ZMAT4: variants seen among roughly 807,000 people sequenced by gnomAD.
ZMAT4 encodes the protein zinc finger matrin-type protein 4.
In ZMAT4, 17 loss-of-function variants were observed where a neutral mutation model predicts 28.7. That is an observed-to-expected ratio of 0.59 (90% confidence interval 0.41 to 0.89). ZMAT4 has a LOEUF of 0.89. ZMAT4 is among the 40% of genes least tolerant of loss of function. The pLI is 0.00. For missense variants in ZMAT4, 240 were observed against 283.8 expected (o/e 0.85, Z 1.11); for synonymous variants, 117 against 109.2 (o/e 1.07, Z -0.44).
chr8:40,803,894 C>G (rs7812990), intron 2 of ZMAT4, among the ~76,000 whole-genome samples: 86,316 of 152,006 alleles, frequency 0.57, 24,745 homozygotes, highest in East Asian at 0.66. Context: ...TTATTCATCA[C>G]TAAAAAGAAA....
chr8:40,727,922 C>T (rs1484741418), intron 3 of ZMAT4, among the ~76,000 whole-genome samples: 1 of 151,982 alleles, frequency 6.6e-6, no homozygotes, highest in Non-Finnish European at 1.5e-5. Context: ...TTTTTATAAG[C>T]TGAATTTTTA....
At position 40,860,478 on chromosome 8, in the gene ZMAT4, T is replaced by C. The variant is rs559225017; in HGVS notation, c.-4-34798A>G. On this transcript the variant is annotated intron_variant, in intron 1 of 6. Transcript: ENST00000297737. ...ATATTCCTTTTCACCATGATATTGT[T>C]ACATTGGACAACAGCAATATTCCTT... 1.2e-3 allele frequency among the ~76,000 whole-genome samples: 184 copies of C among 152,338 alleles called. 1 individual carries two copies. The highest frequency in any genetic ancestry group is 2.1e-3 in the Non-Finnish European group (145 of 68,028).
chr8:40,645,286 T>A (rs897077223), intron 5 of ZMAT4, among the ~76,000 whole-genome samples: 4 of 152,024 alleles, frequency 2.6e-5, no homozygotes, highest in Admixed American at 6.6e-5. Flanking sequence ...AAATAAGACA[T>A]GGATAGGAAT....
intron 2 of ZMAT4, among the ~76,000 whole-genome samples, chr8:40,792,901 GA>G (rs1307595423): frequency 2.6e-5 from 4 of 151,860 alleles, no homozygotes; most frequent in Admixed American, 6.6e-5. Flanking sequence ...CTAAATAATG[GA>G]AAACTATGGA....
chr8:40,680,076 T>TGTAC (rs1809089983), intron 4 of ZMAT4, among the ~76,000 whole-genome samples: 1 of 152,180 alleles, frequency 6.6e-6, no homozygotes, highest in African/African-American at 2.4e-5. Context: ...AAAGTGTACA[T>TGTAC]ACATATCACA....
intron 5 of ZMAT4, among the ~76,000 whole-genome samples, chr8:40,599,945 A>T (rs1228841145): frequency 6.6e-6 from 1 of 152,162 alleles, no homozygotes; most frequent in Non-Finnish European, 1.5e-5. Context: ...TTCATCAAGC[A>T]GAGTGTGGGA....
At chr8:40,596,434 T>C (rs4639498) in intron 5 of ZMAT4, among the ~76,000 whole-genome samples, 24,724 of 152,232 alleles carry the variant, frequency 0.16, 2,928 homozygotes, top group East Asian at 0.57. Flanking sequence ...ACAAAAACAT[T>C]TTATTTCCTT....
chr8:40,602,766 T>C (rs1354146110), intron 5 of ZMAT4, among the ~76,000 whole-genome samples: 2 of 152,164 alleles, frequency 1.3e-5, no homozygotes, highest in Non-Finnish European at 2.9e-5. Context: ...CTTTGTTTTG[T>C]TTTTTGCTGA....
At chr8:40,775,107 A>G (rs948465486) in intron 2 of ZMAT4, among the ~76,000 whole-genome samples, 2 of 152,210 alleles carry the variant, frequency 1.3e-5, no homozygotes, top group African/African-American at 4.8e-5. Flanking sequence ...ACAATGCCTG[A>G]CACATGGCCG....
intron 1 of ZMAT4, among the ~76,000 whole-genome samples, chr8:40,834,649 C>T (rs551619940): frequency 7.9e-5 from 12 of 152,112 alleles, no homozygotes; most frequent in Admixed American, 4.6e-4. Context: ...CACACACCAC[C>T]CTCCATAAAC....
chr8:40,639,137 G>T (rs928742351), intron 5 of ZMAT4, among the ~76,000 whole-genome samples: 3 of 152,236 alleles, frequency 2.0e-5, no homozygotes, highest in South Asian at 2.1e-4. Context: ...GCAGACAGGA[G>T]CCTGGAGAAA....
At chr8:40,550,982 G>C (rs1376379845) in intron 6 of ZMAT4, among the ~76,000 whole-genome samples, 1 of 151,946 alleles carries the variant, frequency 6.6e-6, no homozygotes, top group Non-Finnish European at 1.5e-5. Flanking sequence ...CTAATATTAG[G>C]TTTGTACATT....
chr8:40,637,888 G>A (rs1222130104), intron 5 of ZMAT4, among the ~76,000 whole-genome samples: 1 of 152,152 alleles, frequency 6.6e-6, no homozygotes, highest in Non-Finnish European at 1.5e-5. Context: ...TCAAAAGAAA[G>A]AAAAATGGTC....
intron 1 of ZMAT4, among the ~76,000 whole-genome samples, chr8:40,835,988 T>C (rs1816466820): frequency 6.6e-6 from 1 of 152,180 alleles, no homozygotes; most frequent in African/African-American, 2.4e-5. Context: ...TACAGGAATT[T>C]AAATGTTGCA....
intron 3 of ZMAT4, among the ~76,000 whole-genome samples, chr8:40,721,496 T>G (rs1811090955): frequency 6.9e-6 from 1 of 144,480 alleles, no homozygotes; most frequent in Non-Finnish European, 1.5e-5. Context: ...ATATACCCAG[T>G]AATGGGATGG....
At chr8:40,537,916 A>G (rs1422988189) in intron 6 of ZMAT4, among the ~76,000 whole-genome samples, 1 of 152,176 alleles carries the variant, frequency 6.6e-6, no homozygotes, top group Non-Finnish European at 1.5e-5. Flanking sequence ...CAGCTGAGGC[A>G]GAGCAAGGGG....
intron 5 of ZMAT4, among the ~76,000 whole-genome samples, chr8:40,673,638 C>A (rs893270549): frequency 4.6e-5 from 7 of 152,226 alleles, no homozygotes; most frequent in African/African-American, 1.4e-4. Context: ...TGCAATTTTG[C>A]TGTACTTCTA....
chr8:40,551,452 A>G (rs1217850642), intron 6 of ZMAT4, among the ~76,000 whole-genome samples: 1 of 152,206 alleles, frequency 6.6e-6, no homozygotes, highest in African/African-American at 2.4e-5. Flanking sequence ...AACATTTTGC[A>G]ATTGTGTTAT....
chr8:40,764,455 C>T (rs764926872), intron 3 of ZMAT4, among the ~76,000 whole-genome samples: 5 of 152,106 alleles, frequency 3.3e-5, no homozygotes, highest in East Asian at 3.9e-4. Context: ...CCCTTCACTG[C>T]GTTTGTAAGT....
Sources: gnomAD v4.1 joint callset for allele counts (sites outside exome capture counted in the v4.1 genomes callset) on GRCh38, gnomAD v4.1.1 for gene constraint, MANE v1.5 for transcripts, NCBI Gene and HGNC (gene_info 2026-07-23, HGNC 2026-07-21) for gene names.